The following ACTN4 variants were observed in gnomAD, a reference collection of about 807,000 sequenced individuals.
ACTN4 encodes actinin alpha 4, also known as alpha-actinin-4.
ACTN4 carries 18 observed loss-of-function variants against 114.2 expected under a neutral mutation model. The ratio of observed to expected loss-of-function variants is 0.16; its 90% CI spans 0.11 to 0.23. ACTN4 has a LOEUF of 0.23. Ranked by LOEUF, ACTN4 falls within the 10% of genes least tolerant of loss-of-function variation. The pLI, the probability that ACTN4 is intolerant of heterozygous loss-of-function variation, is 1.00. For synonymous variants in ACTN4, 515 were observed against 506.3 expected (o/e 1.02, Z -0.23); for missense variants, 722 against 1,262.9 (o/e 0.57, Z 6.49).
In ACTN4 at chr19:38,710,270, G is replaced by A; in HGVS notation, c.747G>A (p.Thr249=). The A allele has an allele frequency of 4.3e-6, 7 of 1,614,092 alleles. No homozygotes were observed. The highest frequency in any genetic ancestry group is 1.3e-5 in the African/African-American group (1 of 75,042). ...KMLDAEDIVN[T]ARPDEKAIMT... is the part of the protein sequence containing the mutation. ...GTTCACTTGCAGACATCGTGAACAC[G>A]GCCCGGCCCGACGAGAAGGCCATAA... The change falls in exon 8 of 21, where the codon ACG becomes ACA. Residue 249 remains threonine, a synonymous_variant. Transcript: ENST00000252699.
At chr19:38,694,036 G>A (rs1300318761) in intron 1 of ACTN4, among the ~76,000 whole-genome samples, 1 of 152,188 alleles carries the variant, frequency 6.6e-6, no homozygotes, top group Admixed American at 6.5e-5. Context: ...CCTCTCTGTG[G>A]TTTGGTTCAC....
intron 1 of ACTN4, among the ~76,000 whole-genome samples, chr19:38,674,719 G>A (rs909140640): frequency 1.3e-5 from 2 of 152,096 alleles, no homozygotes; most frequent in South Asian, 4.1e-4. Context: ...CCCTTTTTAG[G>A]TTATTTCTCT....
At position 38,730,389 on chromosome 19, in the gene ACTN4, T is replaced by G. The variant is rs1969487481; in HGVS notation, c.*957T>G. On this transcript the variant is annotated 3_prime_UTR_variant, in exon 21 of 21. Coordinates refer to ENST00000252699, the MANE Select transcript of ACTN4 (RefSeq NM_004924.6). ...CCCTCCAGAGGTGGAGGTGGGCTGA[T>G]GGCCTGGCTGCCTGGTGGTTGATGG... The G allele has an allele frequency of 1.6e-5, 3 of 188,280 alleles. No homozygotes were observed. The highest frequency in any genetic ancestry group is 2.4e-5 in the African/African-American group (1 of 41,928). The allele number at this position is 188,280 out of a possible 1,614,324, so 11.7% of individuals were successfully genotyped here.
intron 1 of ACTN4, among the ~76,000 whole-genome samples, chr19:38,698,756 G>A (rs1464178037): frequency 6.6e-6 from 1 of 152,224 alleles, no homozygotes; most frequent in Non-Finnish European, 1.5e-5. Context: ...GGTGGTGGGG[G>A]ATGGTCTAGC....
rs112545413 is a variant in ACTN4, at chr19:38,717,102, G to A, written c.929G>A (p.Arg310Gln). 22,810 of 1,613,586 alleles carry A rather than the reference G, an allele frequency of 0.014. 236 individuals are homozygous for A. The highest frequency in any genetic ancestry group is 0.024 in the South Asian group (2,181 of 90,988). The change falls in exon 10 of 21, where the codon CGG becomes CAG. Residue 310 changes from arginine to glutamine, a missense_variant. Coordinates refer to ENST00000252699, the MANE Select transcript of ACTN4 (RefSeq NM_004924.6). This position sits in a 1 kb window ranked among gnomAD's most constrained non-coding sequence, Gnocchi z 4.0. ...GGCCCACAGCTCCTGGAGTGGATCC[G>A]GCGCACCATCCCCTGGCTGGAGGAC... ...KLASDLLEWIRRTIPWLEDRV... is the reference protein window; with the variant it reads ...KLASDLLEWIQRTIPWLEDRV...
chr19:38,717,810 G>T lies in ACTN4; in HGVS notation c.1144-117G>T. On this transcript the variant is annotated intron_variant, in intron 10 of 20. Coordinates refer to ENST00000252699, the MANE Select transcript of ACTN4 (RefSeq NM_004924.6). The surrounding 1 kb of genome is among the most constrained non-coding windows in gnomAD (Gnocchi z 4.0). ...GCATCCAGGTATAATAGCAAAGCATGACACAGACATGACCCCAGCCAAGTT... is the reference window on the plus strand; with the variant it reads ...GCATCCAGGTATAATAGCAAAGCATTACACAGACATGACCCCAGCCAAGTT... The T allele has an allele frequency of 7.2e-7, 1 of 1,379,436 alleles. No individual in the cohort carries two copies. The highest frequency in any genetic ancestry group is 1.0e-6 in the Non-Finnish European group (1 of 998,882). The allele number at this position is 1,379,436 out of a possible 1,614,324, so 85.4% of individuals were successfully genotyped here.
chr19:38,683,307 C>T (rs1967635633), intron 1 of ACTN4, among the ~76,000 whole-genome samples: 1 of 152,160 alleles, frequency 6.6e-6, no homozygotes, highest in South Asian at 2.1e-4. Context: ...GGGTCTGCCT[C>T]CCTCCCAGTG....
intron 11 of ACTN4, among the ~76,000 whole-genome samples, chr19:38,720,221 T>C (rs1054160750): frequency 6.6e-6 from 1 of 152,196 alleles, no homozygotes; most frequent in African/African-American, 2.4e-5. Context: ...TCGTGGATGC[T>C]TCTCTGAGGG....
Position 38,730,850 on chromosome 19 carries a change from T to C in ACTN4, c.*1418T>C. On this transcript the variant is annotated 3_prime_UTR_variant, in exon 21 of 21. Coordinates refer to ENST00000252699, the MANE Select transcript of ACTN4 (RefSeq NM_004924.6). ...AGCAGCAGGTGCGCCCATCCGGAGATCCTAGGAGAAGGTGGCCACCTCCAT... is the reference window on the plus strand; with the variant it reads ...AGCAGCAGGTGCGCCCATCCGGAGACCCTAGGAGAAGGTGGCCACCTCCAT... 6.4e-7 allele frequency: 1 copy of C among 1,550,982 alleles called. No homozygotes were observed. The highest frequency in any genetic ancestry group is 8.7e-7 in the Non-Finnish European group (1 of 1,147,290).
Position 38,727,884 on chromosome 19 carries a change from A to C in ACTN4, c.2338-62A>C. On this transcript the variant is annotated intron_variant, in intron 18 of 20. Transcript: ENST00000252699. This position sits in a 1 kb window ranked among gnomAD's most constrained non-coding sequence, Gnocchi z 5.4. ...CCCCTGCCCTCTGCATGTGACCCCGATCCCTCATCCTGGTCTCCACGCCGC... is the reference window on the plus strand; with the variant it reads ...CCCCTGCCCTCTGCATGTGACCCCGCTCCCTCATCCTGGTCTCCACGCCGC... The C allele has an allele frequency of 6.6e-7, 1 of 1,522,952 alleles. No individual in the cohort carries two copies. Among genetic ancestry groups the C allele is most frequent in the African/African-American group, 1.4e-5 (1 of 72,608 alleles). The allele number at this position is 1,522,952 out of a possible 1,614,324, so 94.3% of individuals were successfully genotyped here.
At chr19:38,671,343 C>T (rs1402027248) in intron 1 of ACTN4, among the ~76,000 whole-genome samples, 1 of 152,190 alleles carries the variant, frequency 6.6e-6, no homozygotes, top group Non-Finnish European at 1.5e-5. Context: ...TAGCCCAAAG[C>T]AACACTTTTC....
intron 19 of ACTN4, chr19:38,728,388 A>G (rs1035495642): frequency 3.0e-6 from 4 of 1,340,700 alleles, no homozygotes; most frequent in Non-Finnish European, 3.9e-6. Context: ...CCTGGTATGC[A>G]GCTCTGTCTC....
chr19:38,673,831 G>A (rs1967290349), intron 1 of ACTN4, among the ~76,000 whole-genome samples: 1 of 121,906 alleles, frequency 8.2e-6, no homozygotes, highest in African/African-American at 3.3e-5. Context: ...CACCCAGGCT[G>A]GAGTGCAGTA....
chr19:38,726,759 T>C (rs146861291), intron 17 of ACTN4, among the ~76,000 whole-genome samples, 198 bp from the exon 18 acceptor site: 134 of 152,300 alleles, frequency 8.8e-4, no homozygotes, highest in Admixed American at 1.6e-3. Context: ...CCCCTGTAGC[T>C]GGGAAACACA....
At chr19:38,697,658 C>A (rs1398588279) in intron 1 of ACTN4, among the ~76,000 whole-genome samples, 1 of 152,254 alleles carries the variant, frequency 6.6e-6, no homozygotes, top group Non-Finnish European at 1.5e-5. Flanking sequence ...GTGCTGTTTG[C>A]ACGCGTGCGT....
At chr19:38,674,840 GCCTA>G (rs1485708263) in intron 1 of ACTN4, among the ~76,000 whole-genome samples, 1 of 152,238 alleles carries the variant, frequency 6.6e-6, no homozygotes, top group Non-Finnish European at 1.5e-5. Context: ...ACATCAGTGT[GCCTA>G]CCATTCAGGT....
chr19:38,662,404 G>A (rs16972767), intron 1 of ACTN4, among the ~76,000 whole-genome samples: 57,432 of 152,022 alleles, frequency 0.38, 12,021 homozygotes, highest in Non-Finnish European at 0.46. Flanking sequence ...AAATCGCCCC[G>A]TGGGTAGAGT....
chr19:38,697,835 A>G (rs939229080), intron 1 of ACTN4, among the ~76,000 whole-genome samples: 3 of 152,248 alleles, frequency 2.0e-5, no homozygotes, highest in East Asian at 3.9e-4. Context: ...GTAGAGGCCT[A>G]GCATCCGTGG....
chr19:38,709,226 A>G (rs1014640724), intron 6 of ACTN4, among the ~76,000 whole-genome samples, 169 bp from the exon 7 acceptor site: 1 of 152,170 alleles, frequency 6.6e-6, no homozygotes, highest in Non-Finnish European at 1.5e-5. Flanking sequence ...AATTGAATTT[A>G]TCCAGGCGGT....
Sources: allele counts gnomAD v4.1 joint callset (sites outside exome capture counted in the v4.1 genomes callset), GRCh38; gene constraint gnomAD v4.1.1; non-coding constraint Gnocchi (gnomAD v3.1); transcripts MANE v1.5; gene names NCBI Gene and HGNC (gene_info 2026-07-23, HGNC 2026-07-21).